Variants in NRXN3 observed in about 807,000 individuals in gnomAD.
NRXN3 encodes the protein neurexin III.
NRXN3 carries 32 observed loss-of-function variants against 137.6 expected under a neutral mutation model. That is an observed-to-expected ratio of 0.23 (90% confidence interval 0.18 to 0.31). The LOEUF is 0.31. Ranked by LOEUF, NRXN3 falls within the 10% of genes least tolerant of loss-of-function variation. The pLI is 1.00. For synonymous variants in NRXN3, 798 were observed against 784.5 expected (o/e 1.02, Z -0.29); for missense variants, 1,574 against 2,062.5 (o/e 0.76, Z 4.59).
intron 20 of NRXN3, among the ~76,000 whole-genome samples, chr14:79,822,517 G>GT (rs1278983895): frequency 5.9e-5 from 9 of 152,000 alleles, no homozygotes; most frequent in African/African-American, 1.9e-4. Flanking sequence ...TTTCTTTGAA[G>GT]TTTTTTTCTC....
intron 16 of NRXN3, among the ~76,000 whole-genome samples, chr14:79,525,989 C>G (rs989379836): frequency 6.6e-6 from 1 of 152,172 alleles, no homozygotes; most frequent in Non-Finnish European, 1.5e-5. Flanking sequence ...TCAAGGGATC[C>G]TCTCAACTCC....
At chr14:79,512,890 A>C (rs945348501) in intron 16 of NRXN3, among the ~76,000 whole-genome samples, 2 of 152,194 alleles carry the variant, frequency 1.3e-5, no homozygotes, top group African/African-American at 4.8e-5. Context: ...TTCCAAAAAG[A>C]GGTGGAGAGA....
At chr14:78,356,556 C>T (rs556639021) in intron 4 of NRXN3, among the ~76,000 whole-genome samples, 33 of 152,300 alleles carry the variant, frequency 2.2e-4, no homozygotes, top group African/African-American at 5.8e-4. Context: ...ACTCATTCCT[C>T]GGGGTAATCA....
chr14:79,853,947 C>G (rs993715764), intron 20 of NRXN3: 1 of 988,584 alleles, frequency 1.0e-6, no homozygotes, highest in Non-Finnish European at 1.2e-6. Context: ...CCCAAACCCC[C>G]CAAAGTAAAA....
chr14:79,774,942 A>G (rs1218294587), intron 19 of NRXN3, among the ~76,000 whole-genome samples: 1 of 151,548 alleles, frequency 6.6e-6, no homozygotes, highest in Non-Finnish European at 1.5e-5. Context: ...TATATATAGT[A>G]TGTGTGTGTG....
intron 15 of NRXN3, among the ~76,000 whole-genome samples, chr14:79,095,639 C>T (rs779520837): frequency 5.0e-4 from 68 of 135,130 alleles, no homozygotes; most frequent in Non-Finnish European, 9.7e-4. Flanking sequence ...GAAGTACTAC[C>T]TATAATGTCT....
chr14:78,833,438 G>A (rs182612601), intron 10 of NRXN3, among the ~76,000 whole-genome samples: 198 of 152,184 alleles, frequency 1.3e-3, no homozygotes, highest in Non-Finnish European at 2.6e-3. Flanking sequence ...CTTGAGGCAT[G>A]GCAAGGTGAA....
At chr14:79,823,482 G>A (rs2099279052) in intron 20 of NRXN3, among the ~76,000 whole-genome samples, 1 of 152,092 alleles carries the variant, frequency 6.6e-6, no homozygotes, top group African/African-American at 2.4e-5. Flanking sequence ...ATGCTGAGGT[G>A]GGAGGATTGC....
At chr14:79,280,132 T>A (rs988843636) in intron 15 of NRXN3, 44 of 1,469,852 alleles carry the variant, frequency 3.0e-5, no homozygotes, top group Middle Eastern at 2.6e-4. Context: ...AGTAATTTTT[T>A]AACTGATTCA....
At chr14:79,064,225 G>C (rs2099677835) in intron 15 of NRXN3, among the ~76,000 whole-genome samples, 1 of 152,088 alleles carries the variant, frequency 6.6e-6, no homozygotes, top group African/African-American at 2.4e-5. Flanking sequence ...GTTTTTCTCC[G>C]ATTTCTCCAC....
chr14:78,692,160 C>G (rs2098177464), intron 6 of NRXN3, among the ~76,000 whole-genome samples: 2 of 152,158 alleles, frequency 1.3e-5, no homozygotes, highest in African/African-American at 4.8e-5. Context: ...CTAATACTAC[C>G]TGCTTCCATG....
intron 15 of NRXN3, among the ~76,000 whole-genome samples, chr14:79,111,034 C>A (rs1311694792): frequency 6.6e-6 from 1 of 152,094 alleles, no homozygotes; most frequent in Non-Finnish European, 1.5e-5. Flanking sequence ...TCGTGGTCTG[C>A]CCGCCTCGGC....
At chr14:78,211,623 A>C (rs1453122809) in intron 1 of NRXN3, among the ~76,000 whole-genome samples, 3 of 152,260 alleles carry the variant, frequency 2.0e-5, no homozygotes, top group Non-Finnish European at 4.4e-5. Flanking sequence ...TGCTTAATTA[A>C]AGTGCAGAAA....
intron 10 of NRXN3, among the ~76,000 whole-genome samples, chr14:78,946,167 GT>G (rs2099364792): frequency 6.6e-6 from 1 of 152,194 alleles, no homozygotes; most frequent in Non-Finnish European, 1.5e-5. Flanking sequence ...TATGACTATT[GT>G]CTGGTGGTCT....
intron 1 of NRXN3, among the ~76,000 whole-genome samples, chr14:78,214,723 G>A (rs1446711202): frequency 6.6e-6 from 1 of 152,202 alleles, no homozygotes; most frequent in East Asian, 1.9e-4. Context: ...TGTTTGCCCA[G>A]CCTCCTTGTC....
intron 15 of NRXN3, among the ~76,000 whole-genome samples, chr14:79,339,326 T>C (rs1431739492): frequency 6.6e-6 from 1 of 152,170 alleles, no homozygotes; most frequent in East Asian, 1.9e-4. Context: ...AACCAATGAC[T>C]CTCAACTTGA....
At chr14:78,825,836 T>C (rs2098965077) in intron 10 of NRXN3, among the ~76,000 whole-genome samples, 1 of 152,200 alleles carries the variant, frequency 6.6e-6, no homozygotes. Flanking sequence ...TAAAATAAAT[T>C]CAAGGCCTTT....
chr14:78,261,223 G>T (rs1275448672), intron 2 of NRXN3, among the ~76,000 whole-genome samples: 1 of 152,154 alleles, frequency 6.6e-6, no homozygotes. Context: ...TGGCCCAGCT[G>T]GGGGGTCTCT....
chr14:79,738,564 TTTTG>T (rs2098950118), intron 19 of NRXN3, among the ~76,000 whole-genome samples: 1 of 152,176 alleles, frequency 6.6e-6, no homozygotes, highest in Non-Finnish European at 1.5e-5. Flanking sequence ...TTTTGTTTTG[TTTTG>T]TTTTTTTGAG....
Sources: allele counts gnomAD v4.1 joint callset (sites outside exome capture counted in the v4.1 genomes callset), GRCh38; gene constraint gnomAD v4.1.1; transcripts MANE v1.5; gene names NCBI Gene and HGNC (gene_info 2026-07-23, HGNC 2026-07-21).